MPHOSPH9: variants seen among roughly 807,000 people sequenced by gnomAD.
The protein encoded by MPHOSPH9 is M-phase phosphoprotein 9.
A neutral mutation model predicts 145.5 loss-of-function variants in MPHOSPH9; 88 were observed. The ratio of observed to expected loss-of-function variants is 0.60; its 90% CI spans 0.51 to 0.72. MPHOSPH9 has a LOEUF of 0.72. Ranked by LOEUF, MPHOSPH9 falls within the 30% of genes least tolerant of loss-of-function variation. The probability of loss-of-function intolerance (pLI) is 0.00; values close to 1 mark genes in which losing one functional copy is unlikely to be tolerated. For missense variants in MPHOSPH9, 1,238 were observed against 1,386.6 expected, an observed-to-expected ratio of 0.89 and a Z score of 1.70; for synonymous variants, 435 against 486.2, an observed-to-expected ratio of 0.89 and a Z score of 1.39.
chr12:123,241,476 C>CTACA (rs758653445), intron 1 of MPHOSPH9, among the ~76,000 whole-genome samples: 18 of 152,046 alleles, frequency 1.2e-4, no homozygotes, highest in Non-Finnish European at 2.4e-4. Context: ...GTAGCTGGGA[C>CTACA]TACAGGTGCC....
chr12:123,170,987 T>C (rs553090381), intron 16 of MPHOSPH9, among the ~76,000 whole-genome samples: 1 of 152,392 alleles, frequency 6.6e-6, no homozygotes, highest in Admixed American at 6.5e-5. Context: ...TGCATTTTCA[T>C]GACAATTAAC....
chr12:123,221,322 T>G, intron 5 of MPHOSPH9, 50 bp downstream of exon 5: 8 of 1,384,350 alleles, frequency 5.8e-6, no homozygotes, highest in Non-Finnish European at 7.9e-6. Flanking sequence ...AAAGGAACAC[T>G]AGATTCTAAA....
intron 1 of MPHOSPH9, 46 bp from the exon 2 acceptor site, chr12:123,230,568 A>T (rs1046685407): frequency 5.0e-6 from 2 of 403,712 alleles, no homozygotes; most frequent in African/African-American, 4.1e-5. Flanking sequence ...AAAGCCACCA[A>T]AGCTAGCAAC....
intron 8 of MPHOSPH9, among the ~76,000 whole-genome samples, chr12:123,207,170 T>G (rs1379294199): frequency 8.0e-6 from 1 of 125,500 alleles, no homozygotes; most frequent in African/African-American, 2.7e-5. Context: ...AAAAAAAGCA[T>G]TGTATCAGTC....
At chr12:123,152,738 A>G, downstream of MPHOSPH9, 1 of 352,852 alleles carries the variant, frequency 2.8e-6, no homozygotes, top group South Asian at 2.1e-5. Context: ...AGGGCAGGAA[A>G]TTATTTCCAG....
chr12:123,225,159 A>G (rs1005182516), intron 3 of MPHOSPH9, among the ~76,000 whole-genome samples: 1 of 152,168 alleles, frequency 6.6e-6, no homozygotes, highest in Non-Finnish European at 1.5e-5. Flanking sequence ...AACAGAGCTC[A>G]GAGGCTGGGC....
At chr12:123,215,764 A>C (rs1041535507) in intron 6 of MPHOSPH9, among the ~76,000 whole-genome samples, 7 of 152,182 alleles carry the variant, frequency 4.6e-5, no homozygotes, top group Non-Finnish European at 8.8e-5. Context: ...TCCCTCATGA[A>C]ACTTTTAATT....
chr12:123,176,169 T>G (rs1727311), intron 16 of MPHOSPH9, among the ~76,000 whole-genome samples: 127,143 of 151,546 alleles, frequency 0.84, 53,631 homozygotes, highest in East Asian at 1. Context: ...CATAATAAAA[T>G]TCAGATCTAA....
chr12:123,226,496 T>C (rs1242411889), intron 3 of MPHOSPH9: 1 of 185,516 alleles, frequency 5.4e-6, no homozygotes, highest in Non-Finnish European at 1.0e-5. Flanking sequence ...TTGAGCATTA[T>C]CCTATGAAAT....
At chr12:123,201,900 T>A (rs575646812) in intron 11 of MPHOSPH9, among the ~76,000 whole-genome samples, 16 of 152,316 alleles carry the variant, frequency 1.1e-4, no homozygotes, top group Admixed American at 6.5e-5. Flanking sequence ...AAGTCCATAG[T>A]ACTGCTCCTC....
chr12:123,231,165 A>G (rs899782989), intron 1 of MPHOSPH9, among the ~76,000 whole-genome samples: 4 of 152,112 alleles, frequency 2.6e-5, no homozygotes, highest in Admixed American at 1.3e-4. Context: ...TCTTTTTTTT[A>G]GAGACAGCAT....
At chr12:123,193,108 TACACACAC>T (rs4044136) in intron 13 of MPHOSPH9, among the ~76,000 whole-genome samples, 992 of 94,864 alleles carry the variant, frequency 0.01, 31 homozygotes, top group East Asian at 0.053. Flanking sequence ...TATATATATA[TACACACAC>T]ACACACACAC....
Position 123,164,022 on chromosome 12 carries a change from G to T in MPHOSPH9, c.2836C>A (p.Gln946Lys). 1.9e-6 allele frequency: 3 copies of T among 1,614,114 alleles called. No individual in the cohort carries two copies. The highest frequency in any genetic ancestry group is 2.5e-6 in the Non-Finnish European group (3 of 1,179,996). The change falls in exon 19 of 24, where the codon CAA becomes AAA. Residue 946 changes from glutamine (Q) to lysine (K), a missense_variant. Coordinates refer to ENST00000606320, the MANE Select transcript of MPHOSPH9 (RefSeq NM_022782.4). ...RSPEKCAQQR[Q>K]KRLNSASQRS... ...TGTGAGGCCGAATTAAGTCTCTTTT[G>T]TCTCTGTTGGGCACACTTTTCTGGA...
chr12:123,232,897 C>T (rs117107860), intron 1 of MPHOSPH9, 178 bp downstream of exon 1: 4,859 of 152,322 alleles, frequency 0.032, 99 homozygotes, highest in Middle Eastern at 0.061. Context: ...AAAGGCGCAC[C>T]GCGGCCGGGC....
chr12:123,202,774 C>G lies in MPHOSPH9; in HGVS notation c.1631G>C (p.Ser544Thr), dbSNP rs777022540. ...STFPSVYTIT[S>T]NDISVNTVDE... The stretch of plus-strand genomic sequence containing the variant: ...TACAGTGTTGACCGAGATATCATTA[C>G]TAGTAATGGTATATACTGACGGAAA... Residue 544 changes from serine to threonine, a missense_variant, in exon 10 of 24, where the codon AGT (serine) becomes ACT (threonine). Physicochemically the swap from Ser to Thr is moderately conservative, Grantham distance 58 (BLOSUM62 1). Transcript: ENST00000606320. The G allele has an allele frequency of 6.2e-7, 1 of 1,614,164 alleles. No individual in the cohort carries two copies. The highest frequency in any genetic ancestry group is 2.2e-5 in the East Asian group (1 of 44,886).
chr12:123,206,511 G>GAGAAAAGAA (rs1565950068), intron 8 of MPHOSPH9, among the ~76,000 whole-genome samples: 1 of 87,926 alleles, frequency 1.1e-5, no homozygotes, highest in African/African-American at 4.3e-5. Context: ...GGAGAGGAGA[G>GAGAAAAGAA]GAGAAGAGAA....
At chr12:123,191,993 G>C (rs2045697181) in intron 13 of MPHOSPH9, among the ~76,000 whole-genome samples, 6 of 151,862 alleles carry the variant, frequency 4.0e-5, no homozygotes, top group Admixed American at 3.9e-4. Flanking sequence ...ACAGGGCAAG[G>C]ACCTGTCTCT....
chr12:123,201,243 G>GTTTTGT (rs1555225154), intron 11 of MPHOSPH9, among the ~76,000 whole-genome samples: 3 of 151,948 alleles, frequency 2.0e-5, no homozygotes, highest in East Asian at 1.9e-4. Flanking sequence ...GTTTTGTTTT[G>GTTTTGT]TTTTTTTGAA....
intron 12 of MPHOSPH9, 120 bp from the exon 13 acceptor site, chr12:123,194,721 A>T (rs936599833): frequency 3.1e-6 from 2 of 654,708 alleles, no homozygotes; most frequent in African/African-American, 3.7e-5. Flanking sequence ...TCCCAGGTTC[A>T]AGCAATTCTC....
Sources: gnomAD v4.1 joint callset for allele counts (sites outside exome capture counted in the v4.1 genomes callset) on GRCh38, gnomAD v4.1.1 for gene constraint, MANE v1.5 for transcripts, NCBI Gene and HGNC (gene_info 2026-07-23, HGNC 2026-07-21) for gene names.